The following DKK2 variants were observed in gnomAD, a reference collection of about 807,000 sequenced individuals.
DKK2 encodes the protein dickkopf Wnt signaling pathway inhibitor 2, also known as dickkopf-related protein 2.
DKK2 carries 11 observed loss-of-function variants against 28.1 expected under a neutral mutation model. That is an observed-to-expected ratio of 0.39 (90% CI 0.25 to 0.65). DKK2 has a LOEUF of 0.65. Among genes scored for constraint, DKK2 ranks in the 30% least tolerant of loss-of-function variants. The pLI, the probability that DKK2 is intolerant of heterozygous loss-of-function variation, is 0.47. For synonymous variants in DKK2, 135 were observed against 126.5 expected, an observed-to-expected ratio of 1.07 and a Z score of -0.45; for missense variants, 326 against 335.5, an observed-to-expected ratio of 0.97 and a Z score of 0.22.
intron 1 of DKK2, among the ~76,000 whole-genome samples, chr4:106,930,407 A>G: frequency 6.6e-6 from 1 of 152,212 alleles, no homozygotes; most frequent in Non-Finnish European, 1.5e-5. Context: ...ATGAAAATAC[A>G]ACAATGAAGT....
intron 1 of DKK2, among the ~76,000 whole-genome samples, chr4:107,015,347 G>A (rs903268258): frequency 6.6e-6 from 1 of 151,400 alleles, no homozygotes; most frequent in Non-Finnish European, 1.5e-5. Flanking sequence ...CCATTATTTT[G>A]CTTTTCTGTC....
intron 1 of DKK2, among the ~76,000 whole-genome samples, chr4:107,007,432 T>A (rs1723452488): frequency 1.3e-5 from 2 of 152,234 alleles, no homozygotes; most frequent in South Asian, 4.1e-4. Flanking sequence ...ATAATCAGAG[T>A]GACTCCGTTT....
intron 1 of DKK2, among the ~76,000 whole-genome samples, chr4:106,937,034 A>G (rs200567825): frequency 2.6e-5 from 4 of 152,038 alleles, no homozygotes; most frequent in African/African-American, 9.7e-5. Context: ...AAAGACCATC[A>G]AGACTAGGAA....
At chr4:106,946,915 C>T (rs771676873) in intron 1 of DKK2, among the ~76,000 whole-genome samples, 18 of 152,024 alleles carry the variant, frequency 1.2e-4, no homozygotes, top group Non-Finnish European at 1.5e-4. Flanking sequence ...CACATGCATT[C>T]CAAACCATTG....
chr4:107,010,870 A>G (rs879931396), intron 1 of DKK2, among the ~76,000 whole-genome samples: 3 of 151,096 alleles, frequency 2.0e-5, no homozygotes, highest in Admixed American at 2.0e-4. Flanking sequence ...TTAAAAACCC[A>G]TAGATATTAA....
At chr4:107,031,562 C>CT (rs1257387478) in intron 1 of DKK2, among the ~76,000 whole-genome samples, 1 of 151,988 alleles carries the variant, frequency 6.6e-6, no homozygotes, top group Non-Finnish European at 1.5e-5. Context: ...ATCAGAAAAT[C>CT]ATAGAATCTG....
chr4:106,999,853 G>A (rs1436536467), intron 1 of DKK2, among the ~76,000 whole-genome samples: 3 of 152,038 alleles, frequency 2.0e-5, no homozygotes, highest in Non-Finnish European at 2.9e-5. Context: ...TATAAATGGA[G>A]CATTTTAAAT....
intron 1 of DKK2, among the ~76,000 whole-genome samples, chr4:107,031,868 C>G (rs570350360): frequency 6.6e-6 from 1 of 151,756 alleles, no homozygotes; most frequent in South Asian, 2.1e-4. Context: ...TGAAGGTGGT[C>G]CATAAAAGTC....
chr4:106,994,504 C>A (rs1723245750), intron 1 of DKK2, among the ~76,000 whole-genome samples: 1 of 151,956 alleles, frequency 6.6e-6, no homozygotes, highest in South Asian at 2.1e-4. Context: ...CACACACACA[C>A]ACACACACAC....
At chr4:106,927,051 G>A (rs1724435450) in intron 1 of DKK2, among the ~76,000 whole-genome samples, 3 of 152,026 alleles carry the variant, frequency 2.0e-5, no homozygotes, top group African/African-American at 7.3e-5. Flanking sequence ...CAGAGTAATA[G>A]ATGATTTTTT....
intron 1 of DKK2, among the ~76,000 whole-genome samples, chr4:106,998,926 T>A (rs1167113242): frequency 6.6e-6 from 1 of 152,122 alleles, no homozygotes; most frequent in Non-Finnish European, 1.5e-5. Context: ...ATGCGATAAT[T>A]TGTCAGAGGA....
chr4:107,019,115 T>A (rs1330246084), intron 1 of DKK2, among the ~76,000 whole-genome samples: 1 of 151,990 alleles, frequency 6.6e-6, no homozygotes, highest in Non-Finnish European at 1.5e-5. Flanking sequence ...TCAACAACGT[T>A]TCCAGAGTTT....
At chr4:106,949,431 T>C (rs566717743) in intron 1 of DKK2, among the ~76,000 whole-genome samples, 16 of 152,314 alleles carry the variant, frequency 1.1e-4, no homozygotes, top group African/African-American at 3.6e-4. Flanking sequence ...CTGTTTTACC[T>C]TGGGTAAAAA....
chr4:107,022,540 A>T (rs756583607), intron 1 of DKK2, among the ~76,000 whole-genome samples: 45 of 152,174 alleles, frequency 3.0e-4, no homozygotes, highest in Non-Finnish European at 5.1e-4. Context: ...GGCTTGAGGG[A>T]CACAGTAGCG....
intron 1 of DKK2, among the ~76,000 whole-genome samples, chr4:106,970,194 G>T (rs2110353917): frequency 6.6e-6 from 1 of 152,166 alleles, no homozygotes; most frequent in African/African-American, 2.4e-5. Context: ...CAAGGGTATT[G>T]TAAAGATTAA....
intron 1 of DKK2, among the ~76,000 whole-genome samples, chr4:106,926,680 A>G (rs1269382171): frequency 6.6e-6 from 1 of 152,192 alleles, no homozygotes; most frequent in Non-Finnish European, 1.5e-5. Flanking sequence ...ACAGGCTACT[A>G]CGCCTTCTAT....
chr4:107,011,672 A>T (rs1392565578), intron 1 of DKK2, among the ~76,000 whole-genome samples: 1 of 150,636 alleles, frequency 6.6e-6, no homozygotes, highest in African/African-American at 2.4e-5. Context: ...AAGGGAAATT[A>T]GCATATATCT....
At chr4:106,978,826 T>C (rs1463049360) in intron 1 of DKK2, among the ~76,000 whole-genome samples, 1 of 151,498 alleles carries the variant, frequency 6.6e-6, no homozygotes, top group African/African-American at 2.4e-5. Flanking sequence ...CTCCTGCAGC[T>C]AGCTCAGTGT....
intron 1 of DKK2, among the ~76,000 whole-genome samples, chr4:106,958,916 C>A (rs17037141): frequency 0.061 from 9,288 of 151,114 alleles, 309 homozygotes; most frequent in Non-Finnish European, 0.074. Flanking sequence ...GCTGCTTCTA[C>A]TTTTTGATGT....
Sources: gnomAD v4.1 joint callset for allele counts (sites outside exome capture counted in the v4.1 genomes callset) on GRCh38, gnomAD v4.1.1 for gene constraint, MANE v1.5 for transcripts, NCBI Gene and HGNC (gene_info 2026-07-23, HGNC 2026-07-21) for gene names.